DNAJC13: variants seen among roughly 807,000 people sequenced by gnomAD.
DNAJC13 encodes the protein dnaJ homolog subfamily C member 13.
DNAJC13 carries 75 observed loss-of-function variants against 290.5 expected under a neutral mutation model. The observed-to-expected ratio is 0.26, with a 90% CI of 0.21 to 0.31. The LOEUF (loss-of-function observed/expected upper bound fraction) is 0.31, where lower values mean the gene tolerates loss of function less well. DNAJC13 is among the 10% of genes least tolerant of loss of function. DNAJC13 has a pLI of 1.00. For missense variants in DNAJC13, 2,260 were observed against 2,674.5 expected, an observed-to-expected ratio of 0.85 and a Z score of 3.42; for synonymous variants, 862 against 892.0, an observed-to-expected ratio of 0.97 and a Z score of 0.60.
chr3:132,457,807 A>G (rs11717545), intron 13 of DNAJC13: 32,606 of 155,164 alleles, frequency 0.21, 4,438 homozygotes, highest in East Asian at 0.53. Flanking sequence ...GGGGAATAGC[A>G]TATAAAAAGG....
chr3:132,462,498 G>A lies in DNAJC13; in HGVS notation c.1745G>A (p.Gly582Glu). ...HPSMAIIKGA[G>E]LVMKAIIEEG... is the part of the protein sequence containing the mutation. ...TCCATGGCAATAATAAAAGGAGCTG[G>A]GTTGGTTATGAAGGCAATAATAGAG... Residue 582 changes from glycine (G) to glutamate (E), a missense_variant, in exon 16 of 56, where the codon GGG becomes GAG. Transcript: ENST00000260818. The A allele has an allele frequency of 6.2e-7, 1 of 1,610,302 alleles. No homozygotes were observed. The highest frequency in any genetic ancestry group is 1.1e-5 in the South Asian group (1 of 90,206).
In DNAJC13 at chr3:132,502,305, C is replaced by G; in HGVS notation, c.4553C>G (p.Ala1518Gly). 6.2e-7 allele frequency: 1 copy of G among 1,611,652 alleles called. No individual in the cohort carries two copies. The highest frequency in any genetic ancestry group is 8.5e-7 in the Non-Finnish European group (1 of 1,179,420). ...LYFGKSIPRV[A>G]ALGVECVSSF... Reference sequence around the variant, plus strand: ...TTCTCTCAGAGTATTCCCCGCGTAGCTGCTCTTGGGGTAGAATGTGTCAGT... The same window carrying G: ...TTCTCTCAGAGTATTCCCCGCGTAGGTGCTCTTGGGGTAGAATGTGTCAGT... The change falls in exon 40 of 56, where the codon GCT becomes GGT. Residue 1518 changes from alanine (A) to glycine (G), a missense_variant. Coordinates refer to ENST00000260818, the MANE Select transcript of DNAJC13 (RefSeq NM_015268.4).
At chr3:132,442,882 T>C (rs187640244) in intron 2 of DNAJC13, among the ~76,000 whole-genome samples, 18 of 152,354 alleles carry the variant, frequency 1.2e-4, no homozygotes, top group Admixed American at 1.2e-3. Context: ...TCTGATGTTA[T>C]ACTATGAATT....
intron 2 of DNAJC13, among the ~76,000 whole-genome samples, chr3:132,439,544 A>G (rs1233593739): frequency 6.6e-6 from 1 of 151,532 alleles, no homozygotes; most frequent in Admixed American, 6.6e-5. Context: ...TGTGACTATC[A>G]TCAGGCAACC....
intron 22 of DNAJC13, among the ~76,000 whole-genome samples, chr3:132,476,182 T>A (rs370682622): frequency 6.6e-6 from 1 of 152,160 alleles, no homozygotes; most frequent in East Asian, 1.9e-4. Context: ...CAGATTTTTA[T>A]CTCTTGCTTC....
chr3:132,537,381 A>G (rs1400687005), intron 55 of DNAJC13: 1 of 379,844 alleles, frequency 2.6e-6, no homozygotes, highest in Admixed American at 3.1e-5. Context: ...ACTATTGCTC[A>G]GTATGCAGTA....
rs1238036930 is a variant in DNAJC13, at chr3:132,503,849, ACATGATAGATCTC to A, written c.4884+470_4884+482del. 3.9e-5 allele frequency among the ~76,000 whole-genome samples: 6 copies of A among 152,218 alleles called. No homozygotes were observed. In the East Asian group the frequency reaches 1.2e-3, roughly 29 times the overall value. ...TAGATGCATTACAAAAATCAGTATGACATGATAGATCTCCCAACCTCTTTAACTTCTTTTGCAA... is the reference window on the plus strand; with the variant it reads ...TAGATGCATTACAAAAATCAGTATGACCAACCTCTTTAACTTCTTTTGCAA... On this transcript the variant is annotated intron_variant, in intron 41 of 55. Transcript: ENST00000260818.
intron 36 of DNAJC13, among the ~76,000 whole-genome samples, chr3:132,497,695 A>G (rs542858235): frequency 1.3e-5 from 2 of 152,354 alleles, no homozygotes; most frequent in East Asian, 3.9e-4. Flanking sequence ...TAACTAAATT[A>G]TTAGCCACAA....
At chr3:132,423,321 G>T (rs144594013) in intron 1 of DNAJC13, among the ~76,000 whole-genome samples, 3 of 152,314 alleles carry the variant, frequency 2.0e-5, no homozygotes, top group Admixed American at 1.3e-4. Context: ...GCCAGCTCTA[G>T]TTGCCACAAC....
chr3:132,420,475 A>G (rs749669954), intron 1 of DNAJC13, among the ~76,000 whole-genome samples: 6 of 152,164 alleles, frequency 3.9e-5, no homozygotes, highest in Non-Finnish European at 8.8e-5. Context: ...AACAGAACCG[A>G]GAGTGCTGCC....
chr3:132,486,308 A>G (rs945848823), intron 29 of DNAJC13, among the ~76,000 whole-genome samples: 1 of 151,896 alleles, frequency 6.6e-6, no homozygotes, highest in African/African-American at 2.4e-5. Context: ...TCTCCCTGAT[A>G]GACCCTCTCA....
intron 43 of DNAJC13, among the ~76,000 whole-genome samples, chr3:132,507,824 C>A (rs562881150): frequency 1.3e-5 from 2 of 152,266 alleles, no homozygotes; most frequent in East Asian, 1.9e-4. Flanking sequence ...AACCCTGCAA[C>A]GGCCTCTAGG....
At chr3:132,438,157 T>G (rs150778726) in intron 2 of DNAJC13, among the ~76,000 whole-genome samples, 1 of 152,306 alleles carries the variant, frequency 6.6e-6, no homozygotes, top group East Asian at 1.9e-4. Flanking sequence ...TTCTGATTCA[T>G]GAACATGTGT....
At chr3:132,521,680 C>G (rs1472465703) in intron 48 of DNAJC13, among the ~76,000 whole-genome samples, 1 of 152,144 alleles carries the variant, frequency 6.6e-6, no homozygotes, top group Non-Finnish European at 1.5e-5. Context: ...AGCTCATGAC[C>G]AAGAAGAAGG....
chr3:132,497,573 T>G (rs1935274209), intron 36 of DNAJC13, among the ~76,000 whole-genome samples: 1 of 152,224 alleles, frequency 6.6e-6, no homozygotes, highest in African/African-American at 2.4e-5. Context: ...TGATTTACTT[T>G]TACATGAGTT....
chr3:132,495,814 G>A (rs1935217338), intron 35 of DNAJC13, among the ~76,000 whole-genome samples: 1 of 152,002 alleles, frequency 6.6e-6, no homozygotes, highest in Non-Finnish European at 1.5e-5. Flanking sequence ...TATGTTTAAG[G>A]TATTTTTAAT....
intron 48 of DNAJC13, among the ~76,000 whole-genome samples, chr3:132,519,357 T>A (rs911531919): frequency 5.9e-5 from 9 of 152,224 alleles, no homozygotes; most frequent in African/African-American, 2.2e-4. Context: ...TGCATTTCCC[T>A]GGTGGCTAAT....
chr3:132,498,725 A>T (rs963877339), intron 36 of DNAJC13, among the ~76,000 whole-genome samples: 9 of 150,338 alleles, frequency 6.0e-5, no homozygotes, highest in African/African-American at 1.7e-4. Context: ...TTTTATTTTT[A>T]TTTTTTTTGA....
At chr3:132,525,473 G>C in intron 51 of DNAJC13, 137 bp from the exon 52 acceptor site, 2 of 798,536 alleles carry the variant, frequency 2.5e-6, no homozygotes, top group Non-Finnish European at 3.9e-6. Flanking sequence ...TGTTCTCTTA[G>C]GATTAGTGAA....
Sources: gnomAD v4.1 joint callset for allele counts (sites outside exome capture counted in the v4.1 genomes callset) on GRCh38, gnomAD v4.1.1 for gene constraint, MANE v1.5 for transcripts, NCBI Gene and HGNC (gene_info 2026-07-23, HGNC 2026-07-21) for gene names.